PRKCQ: variants seen among roughly 807,000 people sequenced by gnomAD.
The protein encoded by PRKCQ is protein kinase C theta type.
A neutral mutation model predicts 91.2 loss-of-function variants in PRKCQ; 41 were observed. The observed-to-expected ratio is 0.45, with a 90% CI of 0.35 to 0.58. The LOEUF is 0.58. PRKCQ is among the 20% of genes least tolerant of loss of function. The pLI, the probability that PRKCQ is intolerant of heterozygous loss-of-function variation, is 0.00. For synonymous variants in PRKCQ, 307 were observed against 316.9 expected, an observed-to-expected ratio of 0.97 and a Z score of 0.33; for missense variants, 673 against 896.5, an observed-to-expected ratio of 0.75 and a Z score of 3.18.
rs562181702 is a variant in PRKCQ, at chr10:6,465,344, T to C, written c.1354-940A>G. 1.6e-4 allele frequency among the ~76,000 whole-genome samples: 25 copies of C among 152,292 alleles called. No individual in the cohort carries two copies. The highest frequency in any genetic ancestry group is 4.8e-4 in the African/African-American group (20 of 41,566). On this transcript the variant is annotated intron_variant, in intron 12 of 17. Coordinates refer to ENST00000263125, the MANE Select transcript of PRKCQ (RefSeq NM_006257.5). The surrounding 1 kb of genome is among the most constrained non-coding windows in gnomAD (Gnocchi z 4.4). The stretch of plus-strand genomic sequence containing the variant: ...TTCTTCTGGCAGAGGACATGATGTA[T>C]GTCAGTAGAGCTGGGGCCCTCGAGT...
intron 1 of PRKCQ, among the ~76,000 whole-genome samples, chr10:6,540,916 T>A (rs1839753618): frequency 6.6e-6 from 1 of 152,174 alleles, no homozygotes; most frequent in South Asian, 2.1e-4. Flanking sequence ...GTAATAGCCA[T>A]CCTAATGGGT....
rs1239272606 is a variant in PRKCQ, at chr10:6,479,138, T to G, written c.1207A>C (p.Asn403His). The G allele has an allele frequency of 1.2e-6, 2 of 1,614,122 alleles. No individual in the cohort carries two copies. Among genetic ancestry groups the G allele is most frequent in the African/African-American group, 1.3e-5 (1 of 75,034 alleles). Residue 403 changes from asparagine (N) to histidine (H), a missense_variant, in exon 12 of 18, where the codon AAT (asparagine) becomes CAT (histidine). Physicochemically the swap from Asn to His is moderately conservative, Grantham distance 68. Coordinates refer to ENST00000263125, the MANE Select transcript of PRKCQ (RefSeq NM_006257.5). ...KVFLAEFKKTNQFFAIKALKK... is the reference protein window; with the variant it reads ...KVFLAEFKKTHQFFAIKALKK... The stretch of plus-strand genomic sequence containing the variant: ...AAGGCCTTTATTGCGAAAAATTGAT[T>G]GGTTTTCTTGAATTCTGCCAGGAAG...
At chr10:6,553,511 A>ATAAAAAT (rs1200627397) in intron 1 of PRKCQ, among the ~76,000 whole-genome samples, 8 of 146,446 alleles carry the variant, frequency 5.5e-5, no homozygotes, top group Admixed American at 1.3e-4. Context: ...AAAAAAAAAA[A>ATAAAAAT]AAAAAACAAA....
At chr10:6,548,348 A>G (rs1412031373) in intron 1 of PRKCQ, among the ~76,000 whole-genome samples, 4 of 151,976 alleles carry the variant, frequency 2.6e-5, no homozygotes, top group Non-Finnish European at 5.9e-5. Context: ...ATCTAGAACT[A>G]GAAATACCAT....
At chr10:6,424,853 A>T (rs571992933), downstream of PRKCQ, among the ~76,000 whole-genome samples, 1 of 152,110 alleles carries the variant, frequency 6.6e-6, no homozygotes, top group Non-Finnish European at 1.5e-5. Context: ...AGAAGCACTG[A>T]TCTCTCTTTT....
intron 16 of PRKCQ, 150 bp downstream of exon 16, chr10:6,441,743 A>G (rs1833983100): frequency 8.1e-6 from 6 of 744,012 alleles, no homozygotes; most frequent in Non-Finnish European, 1.2e-5. Context: ...TGGTGCCTCT[A>G]TTAAAACACA....
chr10:6,428,384 G>A, intron 17 of PRKCQ, 22 bp from the exon 18 acceptor site: 1 of 1,601,202 alleles, frequency 6.2e-7, no homozygotes, highest in Non-Finnish European at 8.5e-7. Flanking sequence ...TTTAAGGGAA[G>A]AAAGAAAGAG....
intron 13 of PRKCQ, 94 bp from the exon 14 acceptor site, chr10:6,462,459 A>G (rs1441215341): frequency 9.8e-7 from 1 of 1,018,588 alleles, no homozygotes; most frequent in African/African-American, 1.6e-5. Context: ...CATGCTGTGT[A>G]TGGCTAAATG....
intron 2 of PRKCQ, 49 bp downstream of exon 2, chr10:6,514,969 G>C (rs774734189): frequency 6.2e-7 from 1 of 1,610,752 alleles, no homozygotes; most frequent in Non-Finnish European, 8.5e-7. Context: ...ACAGTTCATA[G>C]CAGGATTCTC....
chr10:6,580,411 G>C (rs1381944483), upstream of PRKCQ: 2 of 151,972 alleles, frequency 1.3e-5, no homozygotes, highest in Non-Finnish European at 2.9e-5. Context: ...GGCCTCCCGG[G>C]ACCCGGCACC....
chr10:6,411,065 T>A, the PRKCQ span, among the ~76,000 whole-genome samples: 2 of 151,810 alleles, frequency 1.3e-5, no homozygotes, highest in Non-Finnish European at 2.9e-5. Context: ...AGCACGCTGA[T>A]CTTTGAGTTT....
At chr10:6,446,663 G>A (rs1166874963) in intron 15 of PRKCQ, among the ~76,000 whole-genome samples, 1 of 152,102 alleles carries the variant, frequency 6.6e-6, no homozygotes, top group Admixed American at 6.5e-5. Context: ...ACCATGCCCG[G>A]CCCATGCCCA....
chr10:6,532,702 C>A (rs1371203036), intron 1 of PRKCQ, among the ~76,000 whole-genome samples: 2 of 152,178 alleles, frequency 1.3e-5, no homozygotes, highest in African/African-American at 4.8e-5. Context: ...GGAGTGAATA[C>A]CTTCATTTTT....
intron 4 of PRKCQ, among the ~76,000 whole-genome samples, chr10:6,506,799 A>T (rs1838221613): frequency 6.6e-6 from 1 of 152,238 alleles, no homozygotes; most frequent in East Asian, 1.9e-4. Context: ...TTACATGTCC[A>T]TGCTGTGACT....
chr10:6,400,574 G>A, the PRKCQ span, among the ~76,000 whole-genome samples: 1 of 150,880 alleles, frequency 6.6e-6, no homozygotes, highest in African/African-American at 2.4e-5. Context: ...GGCAGGCCCA[G>A]GACAGTTCTG....
At chr10:6,412,250 G>C in the PRKCQ span, among the ~76,000 whole-genome samples, 1 of 152,112 alleles carries the variant, frequency 6.6e-6, no homozygotes, top group African/African-American at 2.4e-5. Flanking sequence ...TTTATGGTAA[G>C]AAGACTCTAA....
the PRKCQ span, among the ~76,000 whole-genome samples, chr10:6,406,143 C>G: frequency 2.0e-5 from 3 of 152,024 alleles, no homozygotes; most frequent in Non-Finnish European, 2.9e-5. Flanking sequence ...GGAGTGAAAT[C>G]TAAAGCATTG....
chr10:6,396,746 C>G, the PRKCQ span, among the ~76,000 whole-genome samples: 1 of 152,218 alleles, frequency 6.6e-6, no homozygotes, highest in South Asian at 2.1e-4. Flanking sequence ...TGCAGCGAAG[C>G]TTGGTGCACA....
chr10:6,413,499 C>G, the PRKCQ span, among the ~76,000 whole-genome samples: 1 of 130,872 alleles, frequency 7.6e-6, no homozygotes, highest in Non-Finnish European at 1.7e-5. Context: ...CACACACACA[C>G]ACACACACTA....
Sources: gnomAD v4.1 joint callset for allele counts (sites outside exome capture counted in the v4.1 genomes callset) on GRCh38, gnomAD v4.1.1 for gene constraint, Gnocchi (gnomAD v3.1) non-coding constraint, MANE v1.5 for transcripts, NCBI Gene and HGNC (gene_info 2026-07-23, HGNC 2026-07-21) for gene names.